Variants in DYNC1H1 observed in about 807,000 individuals in gnomAD.
The protein encoded by DYNC1H1 is cytoplasmic dynein 1 heavy chain 1.
A neutral mutation model predicts 527.1 loss-of-function variants in DYNC1H1; 51 were observed. The observed-to-expected ratio is 0.10, with a 90% CI of 0.08 to 0.12. The LOEUF (loss-of-function observed/expected upper bound fraction) is 0.12. Ranked by LOEUF, DYNC1H1 falls within the 10% of genes least tolerant of loss-of-function variation. The probability of loss-of-function intolerance (pLI) is 1.00; values close to 1 mark genes in which losing one functional copy is unlikely to be tolerated. For missense variants in DYNC1H1, 2,771 were observed against 5,971.8 expected, an observed-to-expected ratio of 0.46 and a Z score of 17.66; for synonymous variants, 2,189 against 2,278.8, an observed-to-expected ratio of 0.96 and a Z score of 1.12.
chr14:102,002,759 A>G lies in DYNC1H1; in HGVS notation c.4710-33A>G. On this transcript the variant is annotated intron_variant, in intron 22 of 77. Coordinates refer to ENST00000360184, the MANE Select transcript of DYNC1H1 (RefSeq NM_001376.5). The surrounding 1 kb of genome is among the most constrained non-coding windows in gnomAD (Gnocchi z 4.4). ...CCAGCGGCTAGTGACTACTCTACAC[A>G]AAGGCTGACGCATGTTTTAATTTCA... 6.2e-7 allele frequency: 1 copy of G among 1,614,248 alleles called. No individual in the cohort carries two copies.
At chr14:101,987,704 T>C (rs762646279) in intron 9 of DYNC1H1, 72 bp downstream of exon 9, 21 of 1,553,324 alleles carry the variant, frequency 1.4e-5, no homozygotes, top group Non-Finnish European at 1.7e-5. Context: ...TATTAGTTTG[T>C]CACTAAAAAG....
chr14:101,966,188 G>GT (rs1426529895), intron 1 of DYNC1H1, among the ~76,000 whole-genome samples: 1 of 152,194 alleles, frequency 6.6e-6, no homozygotes, highest in Non-Finnish European at 1.5e-5. Context: ...GTTTCTGATG[G>GT]TTTGTTTCTT....
chr14:102,040,200 T>A lies in DYNC1H1; in HGVS notation c.11691-36T>A, dbSNP rs545166218. The A allele has an allele frequency of 2.6e-5, 42 of 1,613,532 alleles. No homozygotes were observed. The African/African-American group carries it at 5.5e-4, about 21-fold the overall frequency. On this transcript the variant is annotated intron_variant, in intron 62 of 77. Coordinates refer to ENST00000360184, the MANE Select transcript of DYNC1H1 (RefSeq NM_001376.5). ...ATCTTAGTGACAGTGGGAGTGAACG[T>A]GAGAGACCCTAGCTAACCTGTTGCA...
At chr14:101,990,811 C>A (rs190048240) in intron 10 of DYNC1H1, among the ~76,000 whole-genome samples, 2 of 152,064 alleles carry the variant, frequency 1.3e-5, no homozygotes, top group Non-Finnish European at 2.9e-5. Context: ...GAGATAGAGA[C>A]CATCCTGTCC....
In DYNC1H1 at chr14:102,002,863, T is replaced by C. The variant is rs1233593354; in HGVS notation, c.4781T>C (p.Ile1594Thr). The change falls in exon 23 of 78, where the codon ATC becomes ACC. Residue 1594 changes from isoleucine (I) to threonine (T), a missense_variant. Transcript: ENST00000360184. The surrounding 1 kb of genome is among the most constrained non-coding windows in gnomAD (Gnocchi z 4.4). The part of the protein sequence containing the change: ...KSPLVMDVLN[I>T]QGVQRSLERL... The stretch of plus-strand genomic sequence containing the variant: ...CCCCTTGTTATGGATGTTCTGAACA[T>C]CCAGGGAGTACAGAGGTCTCTGGAA... The C allele has an allele frequency of 6.2e-7, 1 of 1,614,090 alleles. No homozygotes were observed. Among genetic ancestry groups the C allele is most frequent in the African/African-American group, 1.3e-5 (1 of 74,930 alleles).
chr14:102,041,450 T>G lies in DYNC1H1; in HGVS notation c.11942-124T>G. The stretch of plus-strand genomic sequence containing the variant: ...GCAGATGTGGCTGAATTTCCTGATT[T>G]GAGCTGATCCTGAAATGCTGAGCAT... On this transcript the variant is annotated intron_variant, in intron 64 of 77. Coordinates refer to ENST00000360184, the MANE Select transcript of DYNC1H1 (RefSeq NM_001376.5). This position sits in a 1 kb window ranked among gnomAD's most constrained non-coding sequence, Gnocchi z 4.5. The G allele has an allele frequency of 6.6e-7, 1 of 1,510,180 alleles. No individual in the cohort carries two copies. Among genetic ancestry groups the G allele is most frequent in the Non-Finnish European group, 9.1e-7 (1 of 1,095,044 alleles). 93.5% of individuals were successfully genotyped at this position (1,510,180 alleles called of 1,614,324 possible). A position where few individuals can be genotyped will look rare whatever the true frequency, so the allele number is the denominator to read the frequency against.
At chr14:101,969,515 G>A (rs1678033) in intron 1 of DYNC1H1, 54,215 of 155,620 alleles carry the variant, frequency 0.35, 13,207 homozygotes, top group African/African-American at 0.71. Flanking sequence ...GATGCAGGCC[G>A]TACAGTGTTG....
In DYNC1H1 at chr14:101,982,109, CA is replaced by C. The variant is rs2047873780; in HGVS notation, c.962-909del. Reference sequence around the variant, plus strand: ...CACATGAGTGGCGGCATTAGATTCTCATAGGGGCGCAAACCCTGTTGTGAAC... The same window carrying C: ...CACATGAGTGGCGGCATTAGATTCTCTAGGGGCGCAAACCCTGTTGTGAAC... On this transcript the variant is annotated intron_variant, in intron 5 of 77. Transcript: ENST00000360184. Among the ~76,000 whole-genome samples the C allele has an allele frequency of 9.9e-5, 15 of 152,282 alleles. No homozygotes were observed. In the South Asian group the frequency reaches 2.9e-3, roughly 29 times the overall value.
rs1177266121 is a variant in DYNC1H1, at chr14:101,979,225, G to A, written c.345-94G>A. 2 of 1,266,496 alleles carry A rather than the reference G, an allele frequency of 1.6e-6. No homozygotes were observed. The highest frequency in any genetic ancestry group is 2.3e-6 in the Non-Finnish European group (2 of 888,810). 78.5% of individuals were successfully genotyped at this position (1,266,496 alleles called of 1,614,324 possible). On this transcript the variant is annotated intron_variant, in intron 2 of 77. Transcript: ENST00000360184. This position sits in a 1 kb window ranked among gnomAD's most constrained non-coding sequence, Gnocchi z 4.6. ...AGCAGTGCATTTCACTATTAGAAAA[G>A]CAACACTTCAGTATATTCTTGTATG...
chr14:101,980,804 C>G (rs2047854604), intron 5 of DYNC1H1, among the ~76,000 whole-genome samples: 1 of 152,166 alleles, frequency 6.6e-6, no homozygotes, highest in Non-Finnish European at 1.5e-5. Flanking sequence ...GCACAGATTC[C>G]TTCTTGTTTC....
Position 101,983,278 on chromosome 14 carries a change from A to G in DYNC1H1, c.1221A>G (p.Glu407=). ...GGAAATTGATGCATGTTGCTTATGA[A>G]GAATTTGAAAAAGTAAGTTTGAATA... is the stretch of plus-strand genomic sequence containing the variant. The part of the protein sequence containing the change: ...GTRKLMHVAY[E]EFEKVMVACF... The change falls in exon 6 of 78, where the codon GAA becomes GAG. Residue 407 remains glutamate, a synonymous_variant. Coordinates refer to ENST00000360184, the MANE Select transcript of DYNC1H1 (RefSeq NM_001376.5). This position sits in a 1 kb window ranked among gnomAD's most constrained non-coding sequence, Gnocchi z 5.3. The G allele has an allele frequency of 1.2e-6, 2 of 1,614,244 alleles. No individual in the cohort carries two copies. Among genetic ancestry groups the G allele is most frequent in the Non-Finnish European group, 1.7e-6 (2 of 1,180,046 alleles).
At chr14:102,022,924 T>A in intron 43 of DYNC1H1, 44 bp downstream of exon 43, 1 of 1,613,696 alleles carries the variant, frequency 6.2e-7, no homozygotes, top group East Asian at 2.2e-5. Flanking sequence ...TTTTCTGCCA[T>A]CCCTTTCTAA....
chr14:102,055,732 G>A lies in DYNC1H1; in HGVS notation c.*5169G>A, dbSNP rs2048870012. The stretch of plus-strand genomic sequence containing the variant: ...TTGCTCAGGCTGAAATGTTTCCCAA[G>A]GCCCTGGCTCCTCCTCCTTCCAAAC... On this transcript the variant is annotated 3_prime_UTR_variant, in exon 78 of 78. Transcript: ENST00000360184. 1 of 152,568 alleles carries A rather than the reference G, an allele frequency of 6.6e-6. No homozygotes were observed. Among genetic ancestry groups the A allele is most frequent in the Non-Finnish European group, 1.5e-5 (1 of 68,302 alleles). The allele number at this position is 152,568 out of a possible 1,614,324, so 9.5% of individuals were successfully genotyped here.
rs775507314 is a variant in DYNC1H1 at position 102,042,014 on chromosome 14, T to G, written c.12104T>G (p.Val4035Gly). 6.2e-7 allele frequency: 1 copy of G among 1,614,126 alleles called. No homozygotes were observed. The highest frequency in any genetic ancestry group is 8.5e-7 in the Non-Finnish European group (1 of 1,180,014). ...LDLTHIVGTE[V>G]KPNTPVLMCS... ...AACTTCTGCCTTCTTTGTTTGCAGGTGAAGCCCAACACTCCTGTCTTAATG... is the reference window on the plus strand; with the variant it reads ...AACTTCTGCCTTCTTTGTTTGCAGGGGAAGCCCAACACTCCTGTCTTAATG... The change falls in exon 66 of 78, where the codon GTG becomes GGG. Residue 4035 changes from valine (V) to glycine (G), a missense_variant and splice_region_variant. This residue lies in a region of DYNC1H1 where 195 missense variants were observed against 428.6 expected (regional missense o/e 0.45). Coordinates refer to ENST00000360184, the MANE Select transcript of DYNC1H1 (RefSeq NM_001376.5). The surrounding 1 kb of genome is among the most constrained non-coding windows in gnomAD (Gnocchi z 5.7).
chr14:102,035,225 G>A lies in DYNC1H1; in HGVS notation c.10754+773G>A, dbSNP rs140966165. On this transcript the variant is annotated intron_variant, in intron 56 of 77. Coordinates refer to ENST00000360184, the MANE Select transcript of DYNC1H1 (RefSeq NM_001376.5). ...AGCCCGGGCGACAGCACAAGACTCCGTCTCAAAAAAATAAAAATAAAGTGG... is the reference window on the plus strand; with the variant it reads ...AGCCCGGGCGACAGCACAAGACTCCATCTCAAAAAAATAAAAATAAAGTGG... 352 of 152,374 alleles carry A rather than the reference G, an allele frequency of 2.3e-3. 1 individual carries two copies. Among genetic ancestry groups the A allele is most frequent in the Non-Finnish European group, 3.8e-3 (258 of 68,162 alleles). The allele number at this position is 152,374 out of a possible 1,614,324, so 9.4% of individuals were successfully genotyped here. A position where few individuals can be genotyped will look rare whatever the true frequency, so the allele number is the denominator to read the frequency against.
In DYNC1H1 at chr14:101,994,918, T is replaced by C. The variant is rs539185192; in HGVS notation, c.3334-68T>C. ...AAGCAACATTTCTGTTAGACTGATA[T>C]TCATTTGAAGGATAAACACGCCAGC... On this transcript the variant is annotated intron_variant, in intron 13 of 77. Transcript: ENST00000360184. The C allele has an allele frequency of 4.0e-5, 64 of 1,613,826 alleles. No individual in the cohort carries two copies. The East Asian group carries it at 8.7e-4, about 22-fold the overall frequency.
At chr14:102,026,541 T>TA in intron 43 of DYNC1H1, 33 bp from the exon 44 acceptor site, 1 of 1,613,194 alleles carries the variant, frequency 6.2e-7, no homozygotes, top group South Asian at 1.1e-5. Context: ...CATTTTTTTC[T>TA]AAGTAATTTG....
chr14:102,040,727 T>C (rs2048639437), intron 64 of DYNC1H1, 54 bp downstream of exon 64: 7 of 1,598,040 alleles, frequency 4.4e-6, no homozygotes, highest in Admixed American at 3.3e-5. Flanking sequence ...TGGGTTTTGC[T>C]GCTTAAAGGG....
rs747831042 is a variant in DYNC1H1 at position 102,002,695 on chromosome 14, G to T, written c.4701G>T (p.Arg1567=). Residue 1567 remains arginine, a synonymous_variant, in exon 22 of 78, where the codon CGG becomes CGT. Coordinates refer to ENST00000360184, the MANE Select transcript of DYNC1H1 (RefSeq NM_001376.5). The surrounding 1 kb of genome is among the most constrained non-coding windows in gnomAD (Gnocchi z 4.4). The part of the protein sequence containing the change: ...IKHLLPVETQ[R]FQSISTEFLA... ...ACCTGCTGCCAGTGGAAACCCAGCG[G>T]TTTCAGAGGTATGGCCTCCAGCCAG... 6.2e-7 allele frequency: 1 copy of T among 1,614,132 alleles called. No homozygotes were observed. The highest frequency in any genetic ancestry group is 8.5e-7 in the Non-Finnish European group (1 of 1,180,052).
Sources: allele counts gnomAD v4.1 joint callset (sites outside exome capture counted in the v4.1 genomes callset), GRCh38; gene constraint gnomAD v4.1.1; regional missense constraint gnomAD v4.1.1; non-coding constraint Gnocchi (gnomAD v3.1); transcripts MANE v1.5; gene names NCBI Gene and HGNC (gene_info 2026-07-23, HGNC 2026-07-21).